The following PXYLP1 variants were observed in gnomAD, a reference collection of about 807,000 sequenced individuals.
The protein encoded by PXYLP1 is acid phosphatase-like 2.
In PXYLP1, 17 loss-of-function variants were observed where a neutral mutation model predicts 37.9. The ratio of observed to expected loss-of-function variants is 0.45; its 90% confidence interval spans 0.31 to 0.67. PXYLP1 has a LOEUF of 0.67. Among genes scored for constraint, PXYLP1 ranks in the 30% least tolerant of loss-of-function variants. The pLI is 0.07. For synonymous variants in PXYLP1, 221 were observed against 232.2 expected, an observed-to-expected ratio of 0.95 and a Z score of 0.44; for missense variants, 511 against 612.0, an observed-to-expected ratio of 0.84 and a Z score of 1.74.
Position 141,287,473 on chromosome 3 carries a change from G to A in PXYLP1, c.505+20G>A, listed in dbSNP as rs201319981. 2.5e-5 allele frequency: 40 copies of A among 1,607,630 alleles called. No homozygotes were observed. In the African/African-American group the frequency reaches 3.7e-4, roughly 15 times the overall value. ...AGACAGGTATGTGTGACCCCCATGCGCTCAGGGGTTCCCCCACCCGCTCTT... is the reference window on the plus strand; with the variant it reads ...AGACAGGTATGTGTGACCCCCATGCACTCAGGGGTTCCCCCACCCGCTCTT... On this transcript the variant is annotated intron_variant, in intron 5 of 5. Coordinates refer to ENST00000286353, the MANE Select transcript of PXYLP1 (RefSeq NM_001037172.3).
intron 2 of PXYLP1, chr3:141,273,889 C>T: frequency 1.0e-6 from 1 of 985,262 alleles, no homozygotes; most frequent in East Asian, 1.1e-4. Flanking sequence ...CGTGTTGGTC[C>T]TGGTGGCACA....
chr3:141,287,442 T>A lies in PXYLP1; in HGVS notation c.494T>A (p.Leu165His). Residue 165 changes from leucine (L) to histidine (H), a missense_variant, in exon 5 of 6, where the codon CTC (leucine) becomes CAC (histidine). Leu to His is a moderately conservative substitution (Grantham distance 99, BLOSUM62 -3). Transcript: ENST00000286353. ...PNHPLCEMGE[L>H]TQTGVVQHLQ... ...CACCCATTGTGTGAGATGGGAGAGC[T>A]CACACAGACAGGTATGTGTGACCCC... 1 of 1,614,034 alleles carries A rather than the reference T, an allele frequency of 6.2e-7. No homozygotes were observed. Among genetic ancestry groups the A allele is most frequent in the Non-Finnish European group, 8.5e-7 (1 of 1,180,000 alleles).
At chr3:141,255,870 A>T (rs72982504) in intron 1 of PXYLP1, among the ~76,000 whole-genome samples, 3,662 of 152,290 alleles carry the variant, frequency 0.024, 128 homozygotes, top group African/African-American at 0.076. Context: ...CTGGTACCTC[A>T]TCCTCTTGGA....
chr3:141,262,564 A>T, intron 2 of PXYLP1: 1 of 1,263,594 alleles, frequency 7.9e-7, no homozygotes, highest in Non-Finnish European at 1.1e-6. Flanking sequence ...ACTCTTCTGA[A>T]AGTACCTTCT....
rs115362786 is a variant in PXYLP1 at position 141,276,491 on chromosome 3, T to C, written c.80-1851T>C. Among the ~76,000 whole-genome samples, 218 of 152,368 alleles carry C rather than the reference T, an allele frequency of 1.4e-3. 1 individual carries two copies. The highest frequency in any genetic ancestry group is 5.1e-3 in the African/African-American group (212 of 41,584). ...TTCACTTAATTTATCTTTGATTCTT[T>C]TCCCTTCTTTTTAACTGGGATAGAA... On this transcript the variant is annotated intron_variant, in intron 2 of 5. Coordinates refer to ENST00000286353, the MANE Select transcript of PXYLP1 (RefSeq NM_001037172.3).
chr3:141,294,692 G>GA lies in PXYLP1; in HGVS notation c.*1488dup, dbSNP rs1399791111. 6.6e-6 allele frequency: 1 copy of GA among 152,170 alleles called. No individual in the cohort carries two copies. The allele number at this position is 152,170 out of a possible 1,614,324, so 9.4% of individuals were successfully genotyped here. ...AGTCACTCGAGTTATTTTCAAGTGA[G>GA]AGCCAGTATTTTATTTTTCCCCCTT... On this transcript the variant is annotated 3_prime_UTR_variant, in exon 6 of 6. Coordinates refer to ENST00000286353, the MANE Select transcript of PXYLP1 (RefSeq NM_001037172.3).
chr3:141,293,236 T>C lies in PXYLP1; in HGVS notation c.*31T>C. 6.3e-7 allele frequency: 1 copy of C among 1,580,168 alleles called. No individual in the cohort carries two copies. The highest frequency in any genetic ancestry group is 8.6e-7 in the Non-Finnish European group (1 of 1,160,308). ...ATGCAGTACAGCAGTATAGAATCCA[T>C]GCCAATACAGAGCATAGGGAAAGGT... On this transcript the variant is annotated 3_prime_UTR_variant, in exon 6 of 6. Coordinates refer to ENST00000286353, the MANE Select transcript of PXYLP1 (RefSeq NM_001037172.3).
At chr3:141,276,254 G>A (rs374292655) in intron 2 of PXYLP1, among the ~76,000 whole-genome samples, 2 of 152,308 alleles carry the variant, frequency 1.3e-5, no homozygotes, top group South Asian at 2.1e-4. Context: ...ATGTGTGTGC[G>A]AATATACAAA....
chr3:141,235,676 C>A (rs1206099487), intron 1 of PXYLP1: 1 of 152,280 alleles, frequency 6.6e-6, no homozygotes, highest in African/African-American at 2.4e-5. Flanking sequence ...CCCAGGGACT[C>A]TTTTTGAACC....
chr3:141,262,569 C>T (rs966696162), intron 2 of PXYLP1: 3 of 1,284,122 alleles, frequency 2.3e-6, no homozygotes, highest in South Asian at 1.5e-5. Flanking sequence ...TCTGAAAGTA[C>T]CTTCTGTTTT....
chr3:141,274,477 T>TC (rs1482763805), intron 2 of PXYLP1: 1 of 1,513,388 alleles, frequency 6.6e-7, no homozygotes, highest in African/African-American at 1.4e-5. Flanking sequence ...CATCAGTTTT[T>TC]CAGGCCCAGC....
At chr3:141,256,894 C>T (rs779903939) in intron 1 of PXYLP1, among the ~76,000 whole-genome samples, 84 of 152,068 alleles carry the variant, frequency 5.5e-4, no homozygotes, top group Non-Finnish European at 9.9e-4. Flanking sequence ...CAAGGGGAAA[C>T]GGTGGATGTT....
chr3:141,278,872 C>G (rs1941873451), intron 3 of PXYLP1, among the ~76,000 whole-genome samples: 1 of 152,230 alleles, frequency 6.6e-6, no homozygotes, highest in South Asian at 2.1e-4. Context: ...CCTCTTGGGA[C>G]TCAGGATGTC....
intron 1 of PXYLP1, among the ~76,000 whole-genome samples, chr3:141,239,478 G>A (rs1940743116): frequency 6.6e-6 from 1 of 152,022 alleles, no homozygotes; most frequent in South Asian, 2.1e-4. Flanking sequence ...TCTCATCCTC[G>A]GTTCACATAA....
intron 1 of PXYLP1, among the ~76,000 whole-genome samples, chr3:141,245,447 C>A (rs1042679107): frequency 6.6e-6 from 1 of 152,182 alleles, no homozygotes; most frequent in African/African-American, 2.4e-5. Context: ...TGATTAGAAT[C>A]GTGCCATGCC....
At chr3:141,287,033 G>A (rs1310368558) in intron 4 of PXYLP1, among the ~76,000 whole-genome samples, 1 of 152,248 alleles carries the variant, frequency 6.6e-6, no homozygotes. Context: ...CCGGAAGGCA[G>A]CACAGGTTGG....
At chr3:141,232,680 C>CAGAGAG (rs200759223) in intron 1 of PXYLP1, among the ~76,000 whole-genome samples, 5 of 151,184 alleles carry the variant, frequency 3.3e-5, no homozygotes, top group Non-Finnish European at 7.4e-5. Context: ...CACACACACA[C>CAGAGAG]AGAGAGAGAG....
In PXYLP1 at chr3:141,278,358, G is replaced by A. The variant is rs764098526; in HGVS notation, c.96G>A (p.Val32=). ...LSLQFFHLIP[V]STPKNGMSSK... Reference sequence around the variant, plus strand: ...TCGTTTCAGTCCACCTGATCCCGGTGTCGACTCCTAAGAATGGAATGAGTA... The same window carrying A: ...TCGTTTCAGTCCACCTGATCCCGGTATCGACTCCTAAGAATGGAATGAGTA... Residue 32 remains valine, a synonymous_variant, in exon 3 of 6, where the codon GTG becomes GTA. Coordinates refer to ENST00000286353, the MANE Select transcript of PXYLP1 (RefSeq NM_001037172.3). 1 of 1,614,202 alleles carries A rather than the reference G, an allele frequency of 6.2e-7. No homozygotes were observed. The highest frequency in any genetic ancestry group is 1.7e-5 in the Admixed American group (1 of 60,026).
chr3:141,269,920 G>A (rs573676186), intron 2 of PXYLP1, among the ~76,000 whole-genome samples: 1 of 152,384 alleles, frequency 6.6e-6, no homozygotes, highest in East Asian at 1.9e-4. Context: ...TCCTCTGAGA[G>A]GCTGCAACTG....
Sources: allele counts gnomAD v4.1 joint callset (sites outside exome capture counted in the v4.1 genomes callset), GRCh38; gene constraint gnomAD v4.1.1; transcripts MANE v1.5; gene names NCBI Gene and HGNC (gene_info 2026-07-23, HGNC 2026-07-21).